The following KPNB1 variants were observed in gnomAD, a reference collection of about 807,000 sequenced individuals.
KPNB1 encodes karyopherin subunit beta 1, also known as importin subunit beta-1.
Under a neutral mutation model 113.0 loss-of-function variants are expected in KPNB1, and 7 were observed. That is an observed-to-expected ratio of 0.06 (90% CI 0.04 to 0.12). The LOEUF is 0.12. Ranked by LOEUF, KPNB1 falls within the 10% of genes least tolerant of loss-of-function variation. The probability of loss-of-function intolerance (pLI) is 1.00; values close to 1 mark genes in which losing one functional copy is unlikely to be tolerated. For synonymous variants in KPNB1, 363 were observed against 378.6 expected (o/e 0.96, Z 0.48); for missense variants, 400 against 1,054.8 (o/e 0.38, Z 8.60).
intron 5 of KPNB1, among the ~76,000 whole-genome samples, chr17:47,659,606 A>T (rs1195937156): frequency 6.6e-6 from 1 of 152,186 alleles, no homozygotes; most frequent in Non-Finnish European, 1.5e-5. Flanking sequence ...TTCTGTGGAG[A>T]AGAACAACTG....
chr17:47,662,077 C>A (rs753388573), intron 6 of KPNB1: 1 of 152,132 alleles, frequency 6.6e-6, no homozygotes, highest in Non-Finnish European at 1.5e-5. Context: ...GTGAATTTAG[C>A]CGTACCATGG....
chr17:47,673,333 G>C (rs1459269762), intron 13 of KPNB1, among the ~76,000 whole-genome samples, 157 bp from the exon 14 acceptor site: 4 of 152,190 alleles, frequency 2.6e-5, no homozygotes, highest in Non-Finnish European at 5.9e-5. Context: ...AGCATTGTTT[G>C]TCATGGTTTA....
At chr17:47,681,686 G>GTT (rs59222945) in intron 21 of KPNB1, among the ~76,000 whole-genome samples, 2,042 of 95,990 alleles carry the variant, frequency 0.021, 60 homozygotes, top group Non-Finnish European at 0.03. Context: ...GGAATTATAG[G>GTT]TTTTTTTTTT....
At chr17:47,675,398 T>TTTTTTTTTTTTTTTTTTTTA (rs2030586875) in intron 15 of KPNB1, among the ~76,000 whole-genome samples, 1 of 142,068 alleles carries the variant, frequency 7.0e-6, no homozygotes, top group Non-Finnish European at 1.5e-5. Context: ...TGTTTTTTTT[T>TTTTTTTTTTTTTTTTTTTTA]TGAGACTTGT....
chr17:47,667,858 G>T (rs1031671510), intron 9 of KPNB1, among the ~76,000 whole-genome samples: 1 of 152,024 alleles, frequency 6.6e-6, no homozygotes, highest in African/African-American at 2.4e-5. Flanking sequence ...GCGCCTGGCC[G>T]ATTTTGGACT....
chr17:47,683,718 CAAA>C lies in KPNB1; in HGVS notation c.*1317_*1319del, dbSNP rs2030865075. On this transcript the variant is annotated 3_prime_UTR_variant, in exon 22 of 22. Coordinates refer to ENST00000290158, the MANE Select transcript of KPNB1 (RefSeq NM_002265.6). ...TGCACTTCAAAAGCAACCAACAAAA[CAAA>C]AACAAAAAAAAGTGTGTGTTGTGTG... The C allele has an allele frequency of 2.3e-5, 1 of 44,068 alleles. No homozygotes were observed. Among genetic ancestry groups the C allele is most frequent in the African/African-American group, 9.7e-5 (1 of 10,262 alleles). 2.7% of individuals were successfully genotyped at this position (44,068 alleles called of 1,614,324 possible). A position where few individuals can be genotyped will look rare whatever the true frequency, so the allele number is the denominator to read the frequency against.
At chr17:47,671,082 C>T (rs1169603830) in intron 12 of KPNB1, among the ~76,000 whole-genome samples, 1 of 152,216 alleles carries the variant, frequency 6.6e-6, no homozygotes, top group African/African-American at 2.4e-5. Context: ...ATGGTGAAAC[C>T]CTGTCTCTAC....
chr17:47,658,608 C>T lies in KPNB1; in HGVS notation c.584C>T (p.Thr195Met), dbSNP rs747385025. 5.6e-6 allele frequency: 9 copies of T among 1,613,838 alleles called. No individual in the cohort carries two copies. Among genetic ancestry groups the T allele is most frequent in the Admixed American group, 1.7e-5 (1 of 59,998 alleles). ...EPSNNVKLAA[T>M]NALLNSLEFT... is the part of the protein sequence containing the mutation. ...AGTAATAATGTGAAGCTAGCTGCTACGAATGCACTCCTGAACTCATTGGAG... is the reference window on the plus strand; with the variant it reads ...AGTAATAATGTGAAGCTAGCTGCTATGAATGCACTCCTGAACTCATTGGAG... Residue 195 changes from threonine to methionine, a missense_variant, in exon 5 of 22, where the codon ACG becomes ATG. Physicochemically the swap from Thr to Met is moderately conservative, Grantham distance 81. Transcript: ENST00000290158.
intron 9 of KPNB1, 52 bp downstream of exon 9, chr17:47,665,210 T>A: frequency 7.1e-7 from 1 of 1,410,562 alleles, no homozygotes; most frequent in Non-Finnish European, 1.0e-6. Flanking sequence ...TTACTAAGAG[T>A]AAACTGTGGA....
intron 15 of KPNB1, among the ~76,000 whole-genome samples, chr17:47,675,358 G>GTTTTTTTTTTTTTTTTTT (rs1555619221): frequency 3.4e-5 from 3 of 88,812 alleles, no homozygotes; most frequent in Non-Finnish European, 4.9e-5. Flanking sequence ...TGGCAGAGGT[G>GTTTTTTTTTTTTTTTTTT]TTGTTTTTTT....
rs771028964 is a variant in KPNB1 at position 47,680,036 on chromosome 17, A to G, written c.2370A>G (p.Val790=). ...QENVHPDVML[V]QPRVEFILSF... ...CTTTTATAGCGGATGTGATGCTGGT[A>G]CAACCCAGAGTAGAATTTATTCTGT... Residue 790 remains valine (V), a synonymous_variant, in exon 20 of 22, where the codon GTA becomes GTG. Coordinates refer to ENST00000290158, the MANE Select transcript of KPNB1 (RefSeq NM_002265.6). The G allele has an allele frequency of 2.5e-6, 4 of 1,612,916 alleles. No individual in the cohort carries two copies. The highest frequency in any genetic ancestry group is 1.7e-5 in the Admixed American group (1 of 60,008).
rs1915614977 is a variant in KPNB1, at chr17:47,652,771, A to G, written c.177A>G (p.Leu59=). The change falls in exon 3 of 22, where the codon CTA becomes CTG. Residue 59 remains leucine, a synonymous_variant. Transcript: ENST00000290158. ...AGGTTGCCAGAGTTGCAGCTGGTCT[A>G]CAAATCAAGAACTCTTTGACATCTA... ...NSQVARVAAG[L]QIKNSLTSKD... The G allele has an allele frequency of 5.6e-6, 9 of 1,613,706 alleles. No homozygotes were observed. Among genetic ancestry groups the G allele is most frequent in the Non-Finnish European group, 7.6e-6 (9 of 1,179,892 alleles).
At chr17:47,670,402 A>G (rs1379568540) in intron 11 of KPNB1, 18 of 260,322 alleles carry the variant, frequency 6.9e-5, no homozygotes, top group Non-Finnish European at 1.3e-4. Flanking sequence ...CAGGATGATG[A>G]GAGATGTCAG....
In KPNB1 at chr17:47,668,433, G is replaced by T. The variant is rs371081341; in HGVS notation, c.1224+23G>T. ...CAGGTGAAACTGAGGGATTTTTGGAGTAGAAAGTAGGATATTTATTGTTTA... is the reference window on the plus strand; with the variant it reads ...CAGGTGAAACTGAGGGATTTTTGGATTAGAAAGTAGGATATTTATTGTTTA... On this transcript the variant is annotated intron_variant, in intron 10 of 21. Coordinates refer to ENST00000290158, the MANE Select transcript of KPNB1 (RefSeq NM_002265.6). 10 of 1,562,958 alleles carry T rather than the reference G, an allele frequency of 6.4e-6. No homozygotes were observed. The African/African-American group carries it at 1.4e-4, about 21-fold the overall frequency.
At chr17:47,650,489 C>T (rs768496773) in intron 2 of KPNB1, 45 bp downstream of exon 2, 58 of 1,570,506 alleles carry the variant, frequency 3.7e-5, no homozygotes, top group East Asian at 7.0e-5. Context: ...TCCCCATCCC[C>T]TGCGTGCGGG....
intron 15 of KPNB1, among the ~76,000 whole-genome samples, chr17:47,675,360 TGTTTTTTTTTTG>T (rs1597937710): frequency 1.6e-4 from 19 of 120,704 alleles, no homozygotes; most frequent in African/African-American, 6.1e-4. Flanking sequence ...GCAGAGGTGT[TGTTTTTTTTTTG>T]TTTTTTTTTT....
chr17:47,670,580 A>T (rs1567892646), intron 11 of KPNB1, 122 bp from the exon 12 acceptor site: 9 of 928,278 alleles, frequency 9.7e-6, no homozygotes, highest in Non-Finnish European at 1.5e-5. Context: ...CTGTCTTGAG[A>T]TGACCTTGGC....
At chr17:47,657,150 CG>C in intron 4 of KPNB1, 90 bp downstream of exon 4, 1 of 1,091,542 alleles carries the variant, frequency 9.2e-7, no homozygotes, top group South Asian at 1.4e-5. Context: ...TATTGAATCA[CG>C]AAGAAAGCCA....
rs1019227822 is a variant in KPNB1 at position 47,664,025 on chromosome 17, C to A, written c.787-134C>A. ...GAAAAGAAAATCTTTCTTTTCCTAT[C>A]TTTTCTTTCAAGCCTAGCTTCCTTT... is the stretch of plus-strand genomic sequence containing the variant. On this transcript the variant is annotated intron_variant, in intron 7 of 21. Transcript: ENST00000290158. The A allele has an allele frequency of 5.2e-6, 3 of 578,476 alleles. No individual in the cohort carries two copies. In the African/African-American group the frequency reaches 5.8e-5, roughly 11 times the overall value. 35.8% of individuals were successfully genotyped at this position (578,476 alleles called of 1,614,324 possible). A position where few individuals can be genotyped will look rare whatever the true frequency, so the allele number is the denominator to read the frequency against.
Sources: allele counts gnomAD v4.1 joint callset (sites outside exome capture counted in the v4.1 genomes callset), GRCh38; gene constraint gnomAD v4.1.1; transcripts MANE v1.5; gene names NCBI Gene and HGNC (gene_info 2026-07-23, HGNC 2026-07-21).